The following SGCD variants were observed in gnomAD, a reference collection of about 807,000 sequenced individuals.
SGCD encodes delta-sarcoglycan.
In SGCD, 18 loss-of-function variants were observed where a neutral mutation model predicts 36.6. The observed-to-expected ratio is 0.49, with a 90% CI of 0.34 to 0.73. The LOEUF (loss-of-function observed/expected upper bound fraction) is 0.73. Ranked by LOEUF, SGCD falls within the 30% of genes least tolerant of loss-of-function variation. The pLI, the probability that SGCD is intolerant of heterozygous loss-of-function variation, is 0.01. For synonymous variants in SGCD, 133 were observed against 130.6 expected (o/e 1.02, Z -0.12); for missense variants, 387 against 346.7 (o/e 1.12, Z -0.92).
chr5:156,118,364 C>T (rs1298412662), intron 2 of SGCD, among the ~76,000 whole-genome samples: 1 of 152,082 alleles, frequency 6.6e-6, no homozygotes, highest in African/African-American at 2.4e-5. Context: ...ATGGGGACCA[C>T]TTCCCTGGTA....
chr5:156,603,393 T>A (rs1055494176), intron 6 of SGCD, among the ~76,000 whole-genome samples: 3 of 152,112 alleles, frequency 2.0e-5, no homozygotes, highest in Non-Finnish European at 2.9e-5. Flanking sequence ...TTTGTTTCAT[T>A]GATCTTTTTA....
intron 3 of SGCD, among the ~76,000 whole-genome samples, chr5:156,200,676 G>T (rs1237087121): frequency 6.6e-5 from 10 of 152,112 alleles, no homozygotes; most frequent in Non-Finnish European, 1.3e-4. Context: ...AACTAGTATG[G>T]AGGCTCCTCA....
intron 3 of SGCD, among the ~76,000 whole-genome samples, chr5:156,179,676 C>T (rs1489624874): frequency 6.8e-6 from 1 of 147,294 alleles, no homozygotes; most frequent in African/African-American, 2.5e-5. Flanking sequence ...GGCTGGAGTG[C>T]ACTGGCGTGA....
intron 3 of SGCD, among the ~76,000 whole-genome samples, chr5:156,254,912 G>A (rs1765677702): frequency 6.6e-6 from 1 of 151,920 alleles, no homozygotes; most frequent in Admixed American, 6.6e-5. Flanking sequence ...AGTACAGATT[G>A]AGCATCCCCA....
At chr5:155,889,729 C>A (rs562849122) in intron 1 of SGCD, among the ~76,000 whole-genome samples, 1 of 152,312 alleles carries the variant, frequency 6.6e-6, no homozygotes, top group Admixed American at 6.5e-5. Flanking sequence ...GCATCAAATG[C>A]ATTGCCTGCC....
At chr5:155,896,472 CA>C (rs34729768) in intron 1 of SGCD, among the ~76,000 whole-genome samples, 13,520 of 124,864 alleles carry the variant, frequency 0.11, 1,395 homozygotes, top group African/African-American at 0.3. Context: ...CCTGTCTCTA[CA>C]AAAAAAAAAA....
chr5:156,085,397 G>T (rs1262043213), intron 1 of SGCD, among the ~76,000 whole-genome samples: 2 of 152,006 alleles, frequency 1.3e-5, no homozygotes, highest in Non-Finnish European at 2.9e-5. Flanking sequence ...TTACAGTGTG[G>T]CACCTCTCCC....
intron 3 of SGCD, among the ~76,000 whole-genome samples, chr5:156,316,071 C>A (rs1049694808): frequency 2.6e-5 from 4 of 151,704 alleles, no homozygotes; most frequent in Non-Finnish European, 4.4e-5. Flanking sequence ...ACGTAGAAAG[C>A]CCTGAAGACT....
At chr5:156,700,434 T>G (rs1387267045) in intron 7 of SGCD, among the ~76,000 whole-genome samples, 8 of 152,168 alleles carry the variant, frequency 5.3e-5, no homozygotes, top group Admixed American at 5.2e-4. Context: ...AACCACAACA[T>G]CTACCTGTGT....
intron 3 of SGCD, among the ~76,000 whole-genome samples, chr5:156,270,922 C>T (rs1010700811): frequency 6.6e-6 from 1 of 152,090 alleles, no homozygotes; most frequent in Non-Finnish European, 1.5e-5. Context: ...CTTTATACAA[C>T]CTTTAGTATA....
At chr5:155,929,999 A>G (rs1194434953) in intron 1 of SGCD, among the ~76,000 whole-genome samples, 2 of 152,176 alleles carry the variant, frequency 1.3e-5, no homozygotes, top group African/African-American at 4.8e-5. Flanking sequence ...AGGGTCCTAC[A>G]GATTGAACTC....
chr5:155,847,887 A>G, the SGCD span, among the ~76,000 whole-genome samples: 5 of 152,358 alleles, frequency 3.3e-5, no homozygotes, highest in Non-Finnish European at 7.3e-5. Context: ...TACAATGATA[A>G]TAAATTGTTG....
chr5:156,635,944 G>A (rs1762813275), intron 6 of SGCD, among the ~76,000 whole-genome samples: 1 of 151,998 alleles, frequency 6.6e-6, no homozygotes, highest in Non-Finnish European at 1.5e-5. Context: ...TAAATGACGA[G>A]TTAATGGGTG....
At chr5:155,981,031 A>C (rs1581025268) in intron 1 of SGCD, among the ~76,000 whole-genome samples, 1 of 152,228 alleles carries the variant, frequency 6.6e-6, no homozygotes, top group Admixed American at 6.5e-5. Flanking sequence ...TCTCTGGCTC[A>C]CAGGAGAGGT....
chr5:156,404,261 C>T (rs1402045844), intron 3 of SGCD, among the ~76,000 whole-genome samples: 1 of 152,170 alleles, frequency 6.6e-6, no homozygotes, highest in Non-Finnish European at 1.5e-5. Context: ...TAGGCATTCT[C>T]TCTATTTGTC....
intron 3 of SGCD, among the ~76,000 whole-genome samples, chr5:156,231,664 T>A (rs897619849): frequency 1.3e-5 from 2 of 152,208 alleles, no homozygotes; most frequent in Admixed American, 6.5e-5. Flanking sequence ...TAGTTTGGAC[T>A]AAGAATTAGA....
At chr5:155,939,528 C>T (rs1461296837) in intron 1 of SGCD, among the ~76,000 whole-genome samples, 1 of 151,348 alleles carries the variant, frequency 6.6e-6, no homozygotes, top group African/African-American at 2.4e-5. Flanking sequence ...CCTGTAGTCC[C>T]AGCTACCCAG....
At position 156,144,552 on chromosome 5, in the gene SGCD, G is replaced by A. The variant is rs966677733; in HGVS notation, c.-44+20533G>A. ...AAATGTCTTCTTTTGAGAAGTGTCT[G>A]TTCATATCCTTCGCCCACTTGTTGA... On this transcript the variant is annotated intron_variant, in intron 3 of 9. Transcript: ENST00000517913. Among the ~76,000 whole-genome samples, 123 of 152,278 alleles carry A rather than the reference G, an allele frequency of 8.1e-4. 1 individual carries two copies. The highest frequency in any genetic ancestry group is 2.7e-3 in the African/African-American group (113 of 41,568).
chr5:156,215,600 G>A (rs1219561126), intron 3 of SGCD, among the ~76,000 whole-genome samples: 1 of 152,026 alleles, frequency 6.6e-6, no homozygotes, highest in Non-Finnish European at 1.5e-5. Flanking sequence ...CACTAATCAT[G>A]TAAGAAATGC....
Sources: gnomAD v4.1 joint callset for allele counts (sites outside exome capture counted in the v4.1 genomes callset) on GRCh38, gnomAD v4.1.1 for gene constraint, MANE v1.5 for transcripts, NCBI Gene and HGNC (gene_info 2026-07-23, HGNC 2026-07-21) for gene names.